Variants in DSCAM observed in about 807,000 individuals in gnomAD.
The protein encoded by DSCAM is cell adhesion molecule DSCAM.
DSCAM carries 47 observed loss-of-function variants against 217.7 expected under a neutral mutation model. The observed-to-expected ratio is 0.22, with a 90% CI of 0.17 to 0.28. The LOEUF is 0.28. Ranked by LOEUF, DSCAM falls within the 10% of genes least tolerant of loss-of-function variation. The pLI is 1.00. For missense variants in DSCAM, 2,080 were observed against 2,618.3 expected, an observed-to-expected ratio of 0.79 and a Z score of 4.49; for synonymous variants, 1,056 against 1,015.3, an observed-to-expected ratio of 1.04 and a Z score of -0.76.
At chr21:40,263,117 T>A (rs529892930) in intron 11 of DSCAM, among the ~76,000 whole-genome samples, 43 of 152,278 alleles carry the variant, frequency 2.8e-4, no homozygotes, top group African/African-American at 9.9e-4. Flanking sequence ...TATGTCTAAG[T>A]CCAAAATGGA....
chr21:40,820,456 G>A (rs2091915662), intron 1 of DSCAM, among the ~76,000 whole-genome samples: 1 of 152,080 alleles, frequency 6.6e-6, no homozygotes. Context: ...ACCAGGGCCT[G>A]TCAGGGAGTG....
At chr21:40,810,264 C>A (rs2091826513) in intron 1 of DSCAM, among the ~76,000 whole-genome samples, 1 of 152,200 alleles carries the variant, frequency 6.6e-6, no homozygotes, top group South Asian at 2.1e-4. Context: ...ACGTTGCACC[C>A]TCAGGTCTGT....
chr21:40,478,858 T>A (rs2075959240), intron 3 of DSCAM, among the ~76,000 whole-genome samples: 1 of 152,214 alleles, frequency 6.6e-6, no homozygotes, highest in Non-Finnish European at 1.5e-5. Flanking sequence ...GTTTAATTTA[T>A]AAAATTAGAC....
At chr21:40,307,468 C>A (rs2074091540) in intron 9 of DSCAM, among the ~76,000 whole-genome samples, 1 of 152,164 alleles carries the variant, frequency 6.6e-6, no homozygotes, top group African/African-American at 2.4e-5. Flanking sequence ...AATAGGAACA[C>A]TTTTACACTG....
chr21:40,831,359 G>A (rs2092010858), intron 1 of DSCAM, among the ~76,000 whole-genome samples: 1 of 152,124 alleles, frequency 6.6e-6, no homozygotes, highest in Non-Finnish European at 1.5e-5. Flanking sequence ...TATTACAAGA[G>A]CTTTCAGTCA....
At chr21:40,839,113 A>T (rs1397771696) in intron 1 of DSCAM, among the ~76,000 whole-genome samples, 2 of 152,228 alleles carry the variant, frequency 1.3e-5, no homozygotes, top group African/African-American at 4.8e-5. Flanking sequence ...ATGGAATCTT[A>T]TAAAGACTAT....
rs368144699 is a variant in DSCAM, at chr21:40,078,638, C to T, written c.4711+49G>A. 3 of 1,582,814 alleles carry T rather than the reference C, an allele frequency of 1.9e-6. No individual in the cohort carries two copies. The African/African-American group carries it at 4.0e-5, about 21-fold the overall frequency. Reference sequence around the variant, plus strand: ...ATGGGAAAGGGGCAGGGCCCACGTGCACATCCCCCAAGACACAAGCAGGAG... The same window carrying T: ...ATGGGAAAGGGGCAGGGCCCACGTGTACATCCCCCAAGACACAAGCAGGAG... On this transcript the variant is annotated intron_variant, in intron 26 of 32. Coordinates refer to ENST00000400454, the MANE Select transcript of DSCAM (RefSeq NM_001389.5).
intron 3 of DSCAM, among the ~76,000 whole-genome samples, chr21:40,376,475 T>TATATCTTATATCGATATCG (rs1484766495): frequency 7.8e-6 from 1 of 128,672 alleles, no homozygotes; most frequent in Admixed American, 8.7e-5. Flanking sequence ...TATAGATATC[T>TATATCTTATATCGATATCG]ATATATCTTA....
intron 1 of DSCAM, among the ~76,000 whole-genome samples, chr21:40,833,521 TA>T (rs754178015): frequency 3.3e-5 from 5 of 152,182 alleles, no homozygotes; most frequent in Non-Finnish European, 4.4e-5. Flanking sequence ...GATCAAACAC[TA>T]ATTAGCATAA....
chr21:40,289,087 T>TC, intron 10 of DSCAM, among the ~76,000 whole-genome samples: 1 of 152,346 alleles, frequency 6.6e-6, no homozygotes, highest in South Asian at 2.1e-4. Flanking sequence ...CAGCACTTCT[T>TC]CTCTTCCTGG....
chr21:40,452,661 T>C (rs1436151593), intron 3 of DSCAM, among the ~76,000 whole-genome samples: 2 of 152,168 alleles, frequency 1.3e-5, no homozygotes, highest in Non-Finnish European at 2.9e-5. Flanking sequence ...GGTTATGTGA[T>C]ATCAACGTCT....
intron 3 of DSCAM, among the ~76,000 whole-genome samples, chr21:40,558,871 G>T (rs183136633): frequency 2.0e-5 from 3 of 152,054 alleles, no homozygotes; most frequent in Non-Finnish European, 4.4e-5. Flanking sequence ...CCTTCACTAC[G>T]TATGCCAGGA....
At chr21:40,182,049 G>T (rs1296096917) in intron 14 of DSCAM, among the ~76,000 whole-genome samples, 2 of 151,970 alleles carry the variant, frequency 1.3e-5, no homozygotes, top group African/African-American at 4.8e-5. Context: ...CGCCTTGGGG[G>T]TCAGATACCC....
At chr21:40,496,303 A>G (rs757389332) in intron 3 of DSCAM, among the ~76,000 whole-genome samples, 1 of 152,202 alleles carries the variant, frequency 6.6e-6, no homozygotes, top group Non-Finnish European at 1.5e-5. Context: ...AACAGATGGT[A>G]CTGGCATAGA....
At chr21:40,099,932 C>T (rs80039367) in intron 20 of DSCAM, among the ~76,000 whole-genome samples, 2,593 of 152,286 alleles carry the variant, frequency 0.017, 79 homozygotes, top group African/African-American at 0.059. Flanking sequence ...AAGTGAGCCA[C>T]ACCTGAGAAG....
intron 3 of DSCAM, among the ~76,000 whole-genome samples, chr21:40,554,358 A>T (rs1173067227): frequency 1.3e-5 from 2 of 152,156 alleles, no homozygotes; most frequent in Non-Finnish European, 2.9e-5. Flanking sequence ...AAATGGAAAG[A>T]TAGTTTAAAT....
intron 2 of DSCAM, among the ~76,000 whole-genome samples, chr21:40,698,240 TA>T (rs957700194): frequency 9.9e-5 from 15 of 152,144 alleles, no homozygotes; most frequent in African/African-American, 3.4e-4. Flanking sequence ...CAAGGCATAA[TA>T]AATCTAAGCA....
chr21:40,524,611 T>A (rs1349025735), intron 3 of DSCAM, among the ~76,000 whole-genome samples: 1 of 152,166 alleles, frequency 6.6e-6, no homozygotes, highest in Non-Finnish European at 1.5e-5. Context: ...AATTCATTCT[T>A]TTTTTGCTTG....
chr21:40,574,629 T>C (rs1268307477), intron 3 of DSCAM, among the ~76,000 whole-genome samples: 4 of 152,160 alleles, frequency 2.6e-5, no homozygotes, highest in Non-Finnish European at 5.9e-5. Flanking sequence ...CAAGAAGTCT[T>C]AGGTAGTGCA....
Sources: gnomAD v4.1 joint callset for allele counts (sites outside exome capture counted in the v4.1 genomes callset) on GRCh38, gnomAD v4.1.1 for gene constraint, MANE v1.5 for transcripts, NCBI Gene and HGNC (gene_info 2026-07-23, HGNC 2026-07-21) for gene names.